NVL: variants seen among roughly 807,000 people sequenced by gnomAD.
NVL encodes nuclear valosin-containing protein-like.
In NVL, 84 loss-of-function variants were observed where a neutral mutation model predicts 110.2. The observed-to-expected ratio is 0.76, with a 90% CI of 0.64 to 0.91. NVL has a LOEUF of 0.91. Among genes scored for constraint, NVL ranks in the 40% least tolerant of loss-of-function variants. The probability of loss-of-function intolerance (pLI) is 0.00; values close to 1 mark genes in which losing one functional copy is unlikely to be tolerated. For missense variants in NVL, 882 were observed against 1,035.9 expected (o/e 0.85, Z 2.04); for synonymous variants, 354 against 361.1 (o/e 0.98, Z 0.22).
chr1:224,324,754 G>A (rs921393412), intron 2 of NVL, among the ~76,000 whole-genome samples: 12 of 152,160 alleles, frequency 7.9e-5, no homozygotes, highest in African/African-American at 2.7e-4. Flanking sequence ...ATGAGAGTTT[G>A]GACTTAAGAG....
intron 17 of NVL, among the ~76,000 whole-genome samples, chr1:224,270,694 A>G (rs1665001277): frequency 6.6e-6 from 1 of 152,208 alleles, no homozygotes; most frequent in South Asian, 2.1e-4. Context: ...GTACCAATTA[A>G]TGTAAAAAAA....
intron 12 of NVL, among the ~76,000 whole-genome samples, chr1:224,290,049 G>A (rs1667228533): frequency 6.6e-6 from 1 of 151,950 alleles, no homozygotes; most frequent in Non-Finnish European, 1.5e-5. Flanking sequence ...TAACTTATGG[G>A]GGTACTTTTA....
rs1485658332 is a variant in NVL, at chr1:224,317,866, A to G, written c.184+12T>C. 3 of 985,424 alleles carry G rather than the reference A, an allele frequency of 3.0e-6. No individual in the cohort carries two copies. The highest frequency in any genetic ancestry group is 4.3e-6 in the Non-Finnish European group (3 of 693,068). 61.0% of individuals were successfully genotyped at this position (985,424 alleles called of 1,614,324 possible). A position where few individuals can be genotyped will look rare whatever the true frequency, so the allele number is the denominator to read the frequency against. ...ACTTTATTGATAATTTAGCTCTAAC[A>G]ATAAGACTCACCTTTTTCTACCTGA... On this transcript the variant is annotated intron_variant, in intron 3 of 22. Coordinates refer to ENST00000281701, the MANE Select transcript of NVL (RefSeq NM_002533.4).
At chr1:224,280,179 G>GTTT (rs1367873488) in intron 16 of NVL, among the ~76,000 whole-genome samples, 2 of 123,370 alleles carry the variant, frequency 1.6e-5, no homozygotes, top group Admixed American at 8.2e-5. Context: ...GTTTTTTTTT[G>GTTT]TTTTTTTTTT....
chr1:224,320,865 C>T (rs573217354), intron 2 of NVL, among the ~76,000 whole-genome samples: 1 of 152,180 alleles, frequency 6.6e-6, no homozygotes, highest in South Asian at 2.1e-4. Context: ...GTTGTCTAAG[C>T]TCGTCTGGGT....
At chr1:224,322,284 A>AT (rs1162045448) in intron 2 of NVL, among the ~76,000 whole-genome samples, 1 of 135,782 alleles carries the variant, frequency 7.4e-6, no homozygotes, top group African/African-American at 2.8e-5. Flanking sequence ...GAATCTTGCT[A>AT]TGTTGCCCAG....
chr1:224,263,638 T>C (rs1327235012), intron 18 of NVL, among the ~76,000 whole-genome samples: 1 of 152,138 alleles, frequency 6.6e-6, no homozygotes, highest in East Asian at 1.9e-4. Flanking sequence ...TCCTATTAGT[T>C]TTACTTTCAA....
Position 224,227,550 on chromosome 1 carries a change from G to A in NVL, c.*76C>T, listed in dbSNP as rs1571732325. On this transcript the variant is annotated 3_prime_UTR_variant, in exon 23 of 23. Coordinates refer to ENST00000281701, the MANE Select transcript of NVL (RefSeq NM_002533.4). ...AGGCCGCGCCTGTGTCCAGCTGAAA[G>A]TGGGTCCTTCAGAGCGTGTGGGGGA... 2 of 1,348,672 alleles carry A rather than the reference G, an allele frequency of 1.5e-6. No homozygotes were observed. Among genetic ancestry groups the A allele is most frequent in the Non-Finnish European group, 1.0e-6 (1 of 965,078 alleles). 83.5% of individuals were successfully genotyped at this position (1,348,672 alleles called of 1,614,324 possible). A position where few individuals can be genotyped will look rare whatever the true frequency, so the allele number is the denominator to read the frequency against.
At chr1:224,329,069 G>A (rs759152546) in intron 1 of NVL, among the ~76,000 whole-genome samples, 3 of 151,864 alleles carry the variant, frequency 2.0e-5, no homozygotes, top group Non-Finnish European at 4.4e-5. Flanking sequence ...AAATTAGCCA[G>A]GTGTGGTGGT....
intron 16 of NVL, among the ~76,000 whole-genome samples, chr1:224,279,861 A>AAT (rs1558297196): frequency 6.6e-6 from 1 of 152,070 alleles, no homozygotes; most frequent in South Asian, 2.1e-4. Context: ...TACATTAAAA[A>AAT]TTTTTTTGGT....
At chr1:224,285,633 GA>G (rs1485488568) in intron 15 of NVL, among the ~76,000 whole-genome samples, 1 of 151,658 alleles carries the variant, frequency 6.6e-6, no homozygotes, top group Non-Finnish European at 1.5e-5. Flanking sequence ...TTTCTATTAT[GA>G]AAAAACAATT....
chr1:224,319,293 T>C (rs1049577199), intron 2 of NVL, among the ~76,000 whole-genome samples: 2 of 151,662 alleles, frequency 1.3e-5, no homozygotes, highest in Non-Finnish European at 2.9e-5. Context: ...ATGGTCTTTA[T>C]AGTTGTTTTT....
At chr1:224,306,423 C>T (rs960936502) in intron 6 of NVL, among the ~76,000 whole-genome samples, 34 of 152,110 alleles carry the variant, frequency 2.2e-4, no homozygotes, top group African/African-American at 8.0e-4. Flanking sequence ...CCCGCCATGA[C>T]GCCTGGCTAA....
chr1:224,315,469 T>C (rs144179668), intron 4 of NVL, among the ~76,000 whole-genome samples: 5 of 152,252 alleles, frequency 3.3e-5, no homozygotes, highest in Non-Finnish European at 7.4e-5. Context: ...TTCTCAGCAA[T>C]CTAGGAATAT....
Position 224,317,114 on chromosome 1 carries a change from G to A in NVL, c.284+580C>T, listed in dbSNP as rs576685734. ...AGATGGTGCCACTGCACTCCAGCCT[G>A]GGTGACAGAGTGAGACTTAATCTCA... On this transcript the variant is annotated intron_variant, in intron 4 of 22. Coordinates refer to ENST00000281701, the MANE Select transcript of NVL (RefSeq NM_002533.4). Among the ~76,000 whole-genome samples, 3 of 151,406 alleles carry A rather than the reference G, an allele frequency of 2.0e-5. No homozygotes were observed. In the South Asian group the frequency reaches 6.3e-4, roughly 32 times the overall value.
At chr1:224,242,981 G>C (rs4653571) in intron 19 of NVL, among the ~76,000 whole-genome samples, 4 of 150,828 alleles carry the variant, frequency 2.7e-5, no homozygotes, top group Non-Finnish European at 4.4e-5. Flanking sequence ...GTGTGCCACC[G>C]CACCCAGCTA....
chr1:224,326,388 T>G lies in NVL; in HGVS notation c.131+3A>C. ...CAAGGATCCGGAAACTATATTTATTTACCTGTACACTCTTTGTAAATCAGA... is the reference window on the plus strand; with the variant it reads ...CAAGGATCCGGAAACTATATTTATTGACCTGTACACTCTTTGTAAATCAGA... On this transcript the variant is annotated splice_donor_region_variant and intron_variant, in intron 2 of 22. Transcript: ENST00000281701. The G allele has an allele frequency of 6.3e-7, 1 of 1,595,406 alleles. No individual in the cohort carries two copies.
chr1:224,272,301 C>T (rs1429185915), intron 17 of NVL, among the ~76,000 whole-genome samples: 8 of 150,988 alleles, frequency 5.3e-5, no homozygotes, highest in South Asian at 2.1e-4. Flanking sequence ...GCTGAGATCG[C>T]GCCACTGCAC....
chr1:224,267,036 A>C (rs1664562663), intron 18 of NVL, among the ~76,000 whole-genome samples: 2 of 152,190 alleles, frequency 1.3e-5, no homozygotes, highest in African/African-American at 4.8e-5. Flanking sequence ...AAATCCTTGC[A>C]ATTTCCTGAG....
Sources: allele counts gnomAD v4.1 joint callset (sites outside exome capture counted in the v4.1 genomes callset), GRCh38; gene constraint gnomAD v4.1.1; transcripts MANE v1.5; gene names NCBI Gene and HGNC (gene_info 2026-07-23, HGNC 2026-07-21).